The following PTPRQ variants were observed in gnomAD, a reference collection of about 807,000 sequenced individuals.
PTPRQ encodes protein tyrosine phosphatase receptor type Q.
PTPRQ carries 199 observed loss-of-function variants against 246.0 expected under a neutral mutation model. The observed-to-expected ratio is 0.81, with a 90% CI of 0.72 to 0.91. The LOEUF (loss-of-function observed/expected upper bound fraction) is 0.91. Ranked by LOEUF, PTPRQ falls within the 40% of genes least tolerant of loss-of-function variation. PTPRQ has a pLI of 0.00. For missense variants in PTPRQ, 2,624 were observed against 2,528.4 expected, an observed-to-expected ratio of 1.04 and a Z score of -0.81; for synonymous variants, 869 against 853.2, an observed-to-expected ratio of 1.02 and a Z score of -0.32.
chr12:80,669,180 G>A (rs1461679659), intron 40 of PTPRQ, 39 bp downstream of exon 40: 94 of 1,539,348 alleles, frequency 6.1e-5, no homozygotes, highest in Middle Eastern at 1.7e-4. Context: ...GTTGTTTTAC[G>A]ATTGTGTTAA....
chr12:80,672,983 A>C (rs1360589371), intron 42 of PTPRQ, among the ~76,000 whole-genome samples, 186 bp from the exon 43 acceptor site: 1 of 152,138 alleles, frequency 6.6e-6, no homozygotes, highest in East Asian at 1.9e-4. Context: ...AATGATAATC[A>C]TCTTGCCTTG....
At chr12:80,605,706 T>A (rs1252360532) in intron 27 of PTPRQ, among the ~76,000 whole-genome samples, 3 of 151,048 alleles carry the variant, frequency 2.0e-5, no homozygotes, top group Non-Finnish European at 4.5e-5. Flanking sequence ...GTAAGCCTCA[T>A]TCAAGAAAAA....
At chr12:80,669,942 T>G (rs981399867) in intron 41 of PTPRQ, among the ~76,000 whole-genome samples, 1 of 152,052 alleles carries the variant, frequency 6.6e-6, no homozygotes, top group Non-Finnish European at 1.5e-5. Flanking sequence ...TAAATGCCTA[T>G]ACACACAGAA....
intron 25 of PTPRQ, among the ~76,000 whole-genome samples, chr12:80,573,357 C>T (rs932735004): frequency 4.0e-5 from 6 of 151,886 alleles, no homozygotes; most frequent in East Asian, 3.9e-4. Flanking sequence ...GGCATGGTGG[C>T]GGGCGCCTGT....
At chr12:80,495,634 G>T (rs1894593530) in intron 12 of PTPRQ, among the ~76,000 whole-genome samples, 2 of 151,916 alleles carry the variant, frequency 1.3e-5, no homozygotes, top group South Asian at 4.1e-4. Context: ...CTTAACTGAA[G>T]GAATACTGTA....
chr12:80,520,989 T>C (rs1377385718), intron 17 of PTPRQ, among the ~76,000 whole-genome samples: 1 of 151,726 alleles, frequency 6.6e-6, no homozygotes, highest in Non-Finnish European at 1.5e-5. Context: ...AGTGTAAAAG[T>C]GTTCCTATTT....
chr12:80,475,622 G>A (rs1459889692), intron 8 of PTPRQ, among the ~76,000 whole-genome samples: 2 of 151,832 alleles, frequency 1.3e-5, no homozygotes, highest in Non-Finnish European at 2.9e-5. Flanking sequence ...ATACAATGCT[G>A]TTGACTCCAT....
chr12:80,662,201 C>A (rs1900655193), intron 39 of PTPRQ, among the ~76,000 whole-genome samples: 1 of 151,884 alleles, frequency 6.6e-6, no homozygotes, highest in South Asian at 2.1e-4. Context: ...TTGGTCTGAC[C>A]TTCTCCATCT....
At chr12:80,497,991 A>T (rs1894680819) in intron 14 of PTPRQ, among the ~76,000 whole-genome samples, 2 of 152,060 alleles carry the variant, frequency 1.3e-5, no homozygotes, top group African/African-American at 4.8e-5. Context: ...ATTCACAGAA[A>T]TGAATACAAT....
At chr12:80,631,682 C>T (rs2121167363) in intron 33 of PTPRQ, among the ~76,000 whole-genome samples, 1 of 152,260 alleles carries the variant, frequency 6.6e-6, no homozygotes, top group Non-Finnish European at 1.5e-5. Context: ...TACAGGATTT[C>T]CTCACATGTT....
At chr12:80,477,482 A>T (rs1391530561) in intron 8 of PTPRQ, among the ~76,000 whole-genome samples, 1 of 152,188 alleles carries the variant, frequency 6.6e-6, no homozygotes, top group South Asian at 2.1e-4. Flanking sequence ...TTATTCTGTT[A>T]TTCTGCTCCT....
At chr12:80,513,662 C>A (rs1005709616) in intron 17 of PTPRQ, among the ~76,000 whole-genome samples, 2 of 152,252 alleles carry the variant, frequency 1.3e-5, no homozygotes, top group African/African-American at 4.8e-5. Flanking sequence ...TTCTCTACCC[C>A]GCACTTCCCT....
intron 6 of PTPRQ, among the ~76,000 whole-genome samples, chr12:80,465,879 A>T (rs1224955830): frequency 6.6e-6 from 1 of 152,180 alleles, no homozygotes; most frequent in African/African-American, 2.4e-5. Context: ...GCTATCTATG[A>T]CAAACCCACA....
chr12:80,467,284 A>G (rs1893459701), intron 6 of PTPRQ, among the ~76,000 whole-genome samples: 1 of 152,126 alleles, frequency 6.6e-6, no homozygotes, highest in African/African-American at 2.4e-5. Context: ...CATCAGATAA[A>G]TGCAAATCAA....
chr12:80,523,724 G>C (rs1289172404), intron 17 of PTPRQ, among the ~76,000 whole-genome samples: 4 of 152,208 alleles, frequency 2.6e-5, no homozygotes, highest in East Asian at 1.9e-4. Flanking sequence ...ACTGTGATCT[G>C]AGAGATAGTT....
intron 37 of PTPRQ, among the ~76,000 whole-genome samples, chr12:80,651,872 T>C (rs370456024): frequency 3.9e-5 from 6 of 152,016 alleles, no homozygotes; most frequent in South Asian, 4.1e-4. Flanking sequence ...ACCATTCCTG[T>C]CCCTTAATAC....
rs186122794 is a variant in PTPRQ at position 80,457,512 on chromosome 12, A to G, written c.391-63A>G. The G allele has an allele frequency of 1.3e-5, 5 of 399,888 alleles. No homozygotes were observed. In the East Asian group the frequency reaches 1.4e-4, roughly 11 times the overall value. The allele number at this position is 399,888 out of a possible 1,614,324, so 24.8% of individuals were successfully genotyped here. On this transcript the variant is annotated intron_variant, in intron 3 of 44. Transcript: ENST00000644991. ...TGGATAAGTCAAAGTTTTGTTTTAA[A>G]TTTTAGATTCTCTTTTTTCAGGGAG...
chr12:80,477,580 C>T (rs948367065), intron 8 of PTPRQ, among the ~76,000 whole-genome samples: 2 of 152,156 alleles, frequency 1.3e-5, no homozygotes, highest in Non-Finnish European at 2.9e-5. Flanking sequence ...GCGTGAACGA[C>T]GCAGAAGACG....
chr12:80,608,376 G>A lies in PTPRQ; in HGVS notation c.4732-2063G>A, dbSNP rs562235805. Among the ~76,000 whole-genome samples the A allele has an allele frequency of 2.7e-5, 4 of 150,584 alleles. No homozygotes were observed. The South Asian group carries it at 8.3e-4, about 31-fold the overall frequency. On this transcript the variant is annotated intron_variant, in intron 27 of 44. Coordinates refer to ENST00000644991, the MANE Select transcript of PTPRQ (RefSeq NM_001145026.2). Reference sequence around the variant, plus strand: ...AGCTAACAACAACAAAGGTGTAGTAGGTTTAATAAAGAAAGGTAATGATGA... The same window carrying A: ...AGCTAACAACAACAAAGGTGTAGTAAGTTTAATAAAGAAAGGTAATGATGA...
Sources: gnomAD v4.1 joint callset for allele counts (sites outside exome capture counted in the v4.1 genomes callset) on GRCh38, gnomAD v4.1.1 for gene constraint, MANE v1.5 for transcripts, NCBI Gene and HGNC (gene_info 2026-07-23, HGNC 2026-07-21) for gene names.